The following LTA4H variants were observed in gnomAD, a reference collection of about 807,000 sequenced individuals.
LTA4H encodes the protein leukotriene A4 hydrolase, also known as leukotriene A-4 hydrolase.
Under a neutral mutation model 89.8 loss-of-function variants are expected in LTA4H, and 59 were observed. That is an observed-to-expected ratio of 0.66 (90% confidence interval 0.53 to 0.82). The LOEUF (loss-of-function observed/expected upper bound fraction) is 0.82. Among genes scored for constraint, LTA4H ranks in the 40% least tolerant of loss-of-function variants. The pLI is 0.00. For missense variants in LTA4H, 617 were observed against 727.0 expected (o/e 0.85, Z 1.74); for synonymous variants, 227 against 253.1 (o/e 0.90, Z 0.98).
chr12:96,018,686 C>T (rs1193909912), intron 8 of LTA4H, 77 bp downstream of exon 8: 2 of 1,030,416 alleles, frequency 1.9e-6, no homozygotes, highest in Non-Finnish European at 2.7e-6. Flanking sequence ...CATATATATA[C>T]ATATTATTAG....
intron 3 of LTA4H, among the ~76,000 whole-genome samples, chr12:96,024,903 G>A (rs1451173193): frequency 6.6e-6 from 1 of 152,048 alleles, no homozygotes; most frequent in African/African-American, 2.4e-5. Context: ...CCCAACTTCA[G>A]GTGATCTGCC....
At chr12:96,023,097 A>C (rs1288425020) in intron 4 of LTA4H, among the ~76,000 whole-genome samples, 1 of 152,214 alleles carries the variant, frequency 6.6e-6, no homozygotes, top group East Asian at 1.9e-4. Context: ...TGAATGCCAG[A>C]ATAAAGGACT....
In LTA4H at chr12:96,029,233, A is replaced by G. The variant is rs1950546170; in HGVS notation, c.160-48T>C. 3 of 1,132,690 alleles carry G rather than the reference A, an allele frequency of 2.6e-6. No individual in the cohort carries two copies. The East Asian group carries it at 8.1e-5, about 31-fold the overall frequency. 70.2% of individuals were successfully genotyped at this position (1,132,690 alleles called of 1,614,324 possible). On this transcript the variant is annotated intron_variant, in intron 1 of 18. Transcript: ENST00000228740. The stretch of plus-strand genomic sequence containing the variant: ...GTAAGAAAATAGTTTCATTTACCAG[A>G]AAAAACTCATATTAGATATAGGCTA...
intron 1 of LTA4H, among the ~76,000 whole-genome samples, chr12:96,042,767 A>G (rs1300372476): frequency 6.6e-6 from 1 of 152,186 alleles, no homozygotes; most frequent in Non-Finnish European, 1.5e-5. Flanking sequence ...GTAACCGGTT[A>G]CAGAAATAAA....
Position 96,019,009 on chromosome 12 carries a change from T to A in LTA4H, c.712-106A>T, listed in dbSNP as rs1399564194. 14 of 1,247,820 alleles carry A rather than the reference T, an allele frequency of 1.1e-5. No individual in the cohort carries two copies. In the East Asian group the frequency reaches 3.1e-4, roughly 28 times the overall value. 77.3% of individuals were successfully genotyped at this position (1,247,820 alleles called of 1,614,324 possible). A position where few individuals can be genotyped will look rare whatever the true frequency, so the allele number is the denominator to read the frequency against. ...GAAGGTTACAAGTTAATGATTTTTATGTTAAATGAAAATGATAAAAAGAAT... is the reference window on the plus strand; with the variant it reads ...GAAGGTTACAAGTTAATGATTTTTAAGTTAAATGAAAATGATAAAAAGAAT... On this transcript the variant is annotated intron_variant, in intron 7 of 18. Transcript: ENST00000228740.
intron 1 of LTA4H, among the ~76,000 whole-genome samples, chr12:96,033,559 T>G (rs1950599859): frequency 6.6e-6 from 1 of 152,206 alleles, no homozygotes; most frequent in Non-Finnish European, 1.5e-5. Flanking sequence ...AGTGTGGTTT[T>G]TCTTTTTTTA....
upstream of LTA4H, among the ~76,000 whole-genome samples, chr12:96,035,929 G>A (rs954496417): frequency 2.0e-5 from 3 of 152,176 alleles, no homozygotes; most frequent in African/African-American, 7.2e-5. Flanking sequence ...GCAAACGTAA[G>A]AAAATCAGGT....
At chr12:96,039,438 G>A (rs1950671883), upstream of LTA4H, among the ~76,000 whole-genome samples, 1 of 152,140 alleles carries the variant, frequency 6.6e-6, no homozygotes, top group Non-Finnish European at 1.5e-5. Flanking sequence ...GGCACCTGTG[G>A]CCCGTGCAGT....
At chr12:96,004,764 T>G (rs76560785) in intron 16 of LTA4H, among the ~76,000 whole-genome samples, 98 of 152,312 alleles carry the variant, frequency 6.4e-4, no homozygotes, top group Non-Finnish European at 1.2e-3. Context: ...TAGCCCCTTA[T>G]GGACACATGC....
intron 3 of LTA4H, among the ~76,000 whole-genome samples, chr12:96,026,031 C>T (rs151159701): frequency 2.2e-4 from 33 of 152,262 alleles, no homozygotes; most frequent in African/African-American, 7.9e-4. Flanking sequence ...TTTCTTAAAA[C>T]CCCCAAACTC....
At position 96,035,463 on chromosome 12, in the gene LTA4H, G is replaced by A; in HGVS notation, c.57C>T (p.Thr19=). Residue 19 remains threonine, a synonymous_variant, in exon 1 of 19, where the codon ACC becomes ACT. Coordinates refer to ENST00000228740, the MANE Select transcript of LTA4H (RefSeq NM_000895.3). ...SLASPASVCR[T]KHLHLRCSVD... is the part of the protein sequence containing the mutation. Reference sequence around the variant, plus strand: ...CGCTGCAGCGCAGGTGCAGGTGCTTGGTCCGGCAGACGGAAGCCGGAGAGG... The same window carrying A: ...CGCTGCAGCGCAGGTGCAGGTGCTTAGTCCGGCAGACGGAAGCCGGAGAGG... 1.2e-6 allele frequency: 2 copies of A among 1,609,530 alleles called. No individual in the cohort carries two copies. The highest frequency in any genetic ancestry group is 1.7e-6 in the Non-Finnish European group (2 of 1,178,036).
intron 18 of LTA4H, among the ~76,000 whole-genome samples, chr12:96,001,320 A>T (rs1479506243): frequency 6.6e-6 from 1 of 152,216 alleles, no homozygotes; most frequent in Non-Finnish European, 1.5e-5. Flanking sequence ...CACCAGTCCC[A>T]GCCAATCAGA....
At chr12:96,003,630 G>A (rs1206314387) in intron 17 of LTA4H, 7 of 346,842 alleles carry the variant, frequency 2.0e-5, no homozygotes, top group Non-Finnish European at 3.1e-5. Context: ...GAGGTTTAGA[G>A]CAAAGTCTAA....
chr12:96,036,309 C>T (rs1312208978), upstream of LTA4H, among the ~76,000 whole-genome samples: 1 of 152,116 alleles, frequency 6.6e-6, no homozygotes, highest in African/African-American at 2.4e-5. Context: ...GCTCTGGGGC[C>T]TTTGTGGCAG....
At chr12:96,034,521 T>C (rs935922751) in intron 1 of LTA4H, among the ~76,000 whole-genome samples, 1 of 152,208 alleles carries the variant, frequency 6.6e-6, no homozygotes, top group Non-Finnish European at 1.5e-5. Flanking sequence ...GAACCAACTA[T>C]TAAAAAAGCG....
exon 1 of LTA4H, chr12:96,043,480 G>T: frequency 1.4e-6 from 1 of 712,324 alleles, no homozygotes; most frequent in Non-Finnish European, 2.4e-6. Flanking sequence ...ACAAACATGC[G>T]CCTGTAGTCC....
At chr12:96,034,272 A>C (rs922788037) in intron 1 of LTA4H, among the ~76,000 whole-genome samples, 7 of 152,242 alleles carry the variant, frequency 4.6e-5, no homozygotes, top group African/African-American at 1.7e-4. Flanking sequence ...CTGTCTTTTC[A>C]TGACCCTCTT....
chr12:96,025,465 C>T (rs1002404124), intron 3 of LTA4H: 3 of 152,192 alleles, frequency 2.0e-5, no homozygotes. Context: ...ACCATCTAGA[C>T]ATATTCATTC....
At chr12:96,043,145 C>T (rs2136931812) in intron 1 of LTA4H, 1 of 614,826 alleles carries the variant, frequency 1.6e-6, no homozygotes, top group Non-Finnish European at 2.9e-6. Flanking sequence ...TCTCCACATT[C>T]TGCCTAGAAA....
Sources: allele counts gnomAD v4.1 joint callset (sites outside exome capture counted in the v4.1 genomes callset), GRCh38; gene constraint gnomAD v4.1.1; transcripts MANE v1.5; gene names NCBI Gene and HGNC (gene_info 2026-07-23, HGNC 2026-07-21).